NDUFAF2: variants seen among roughly 807,000 people sequenced by gnomAD.
NDUFAF2 encodes NADH dehydrogenase [ubiquinone] 1 alpha subcomplex assembly factor 2.
Under a neutral mutation model 22.8 loss-of-function variants are expected in NDUFAF2, and 13 were observed. The ratio of observed to expected loss-of-function variants is 0.57; its 90% CI spans 0.37 to 0.91. NDUFAF2 has a LOEUF of 0.91. Ranked by LOEUF, NDUFAF2 falls within the 40% of genes least tolerant of loss-of-function variation. The pLI is 0.01. For missense variants in NDUFAF2, 162 were observed against 195.2 expected (o/e 0.83, Z 1.01); for synonymous variants, 53 against 64.2 (o/e 0.83, Z 0.84).
At chr5:61,044,817 T>C (rs570131978) in intron 1 of NDUFAF2, among the ~76,000 whole-genome samples, 60 of 152,108 alleles carry the variant, frequency 3.9e-4, no homozygotes, top group Non-Finnish European at 5.3e-4. Flanking sequence ...GGGTCTTTTG[T>C]GGTTCCATTC....
intron 3 of NDUFAF2, among the ~76,000 whole-genome samples, chr5:61,140,098 C>T (rs893846974): frequency 2.6e-5 from 4 of 152,318 alleles, no homozygotes; most frequent in South Asian, 4.1e-4. Flanking sequence ...CCAAGTGGGC[C>T]GAGTAGGTGG....
chr5:61,004,975 G>C (rs938156066), intron 1 of NDUFAF2, among the ~76,000 whole-genome samples: 2 of 151,390 alleles, frequency 1.3e-5, no homozygotes, highest in African/African-American at 4.8e-5. Flanking sequence ...TCTAGGGTAC[G>C]TGTGCACAAT....
intron 3 of NDUFAF2, among the ~76,000 whole-genome samples, chr5:61,123,941 T>A (rs1302993891): frequency 6.6e-6 from 1 of 152,154 alleles, no homozygotes; most frequent in African/African-American, 2.4e-5. Context: ...AGGGACTCTT[T>A]GTATGTAGAA....
chr5:61,033,577 A>G (rs954243581), intron 1 of NDUFAF2, among the ~76,000 whole-genome samples: 26 of 152,256 alleles, frequency 1.7e-4, no homozygotes, highest in East Asian at 1.9e-4. Flanking sequence ...TACTTAAGAC[A>G]CTAGTTTATG....
At chr5:61,112,434 G>A (rs924434162) in intron 3 of NDUFAF2, among the ~76,000 whole-genome samples, 2 of 151,496 alleles carry the variant, frequency 1.3e-5, no homozygotes, top group South Asian at 2.1e-4. Context: ...GGATGGTCTC[G>A]ATCTTCTGAC....
chr5:60,985,109 T>C (rs1751053794), intron 1 of NDUFAF2, among the ~76,000 whole-genome samples: 1 of 152,248 alleles, frequency 6.6e-6, no homozygotes, highest in Non-Finnish European at 1.5e-5. Flanking sequence ...AGCTTCTTCA[T>C]CGTTTAGTCT....
rs148967735 is a variant in NDUFAF2, at chr5:61,034,068, G to A, written c.128-39057G>A. ...GTTTATTACAGCCAAGGAAGGCAGT[G>A]CTATAGGGATTTGGATGCATATTCT... is the stretch of plus-strand genomic sequence containing the variant. On this transcript the variant is annotated intron_variant, in intron 1 of 3. Coordinates refer to ENST00000296597, the MANE Select transcript of NDUFAF2 (RefSeq NM_174889.5). Among the ~76,000 whole-genome samples, 7 of 152,266 alleles carry A rather than the reference G, an allele frequency of 4.6e-5. 1 individual carries two copies. The East Asian group carries it at 1.3e-3, about 29-fold the overall frequency.
At chr5:61,064,730 G>A (rs1055512553) in intron 1 of NDUFAF2, among the ~76,000 whole-genome samples, 1 of 151,842 alleles carries the variant, frequency 6.6e-6, no homozygotes, top group Non-Finnish European at 1.5e-5. Flanking sequence ...TGCAGCAAAC[G>A]CATTTCTAAG....
chr5:60,970,175 T>C (rs1750809186), intron 1 of NDUFAF2, among the ~76,000 whole-genome samples: 1 of 152,184 alleles, frequency 6.6e-6, no homozygotes, highest in African/African-American at 2.4e-5. Context: ...CCAGTTTTGT[T>C]CATCTTGCTT....
intron 3 of NDUFAF2, among the ~76,000 whole-genome samples, chr5:61,122,446 G>T (rs563894408): frequency 1.4e-4 from 21 of 152,250 alleles, no homozygotes; most frequent in South Asian, 8.3e-4. Context: ...AAGTCAACAA[G>T]AATCCTGATT....
intron 1 of NDUFAF2, among the ~76,000 whole-genome samples, chr5:60,985,808 T>C (rs1219535098): frequency 6.6e-6 from 1 of 152,168 alleles, no homozygotes; most frequent in Non-Finnish European, 1.5e-5. Context: ...CCCGCCCCTA[T>C]AATTCAATCA....
At chr5:60,968,428 A>G (rs1412478541) in intron 1 of NDUFAF2, among the ~76,000 whole-genome samples, 1 of 151,370 alleles carries the variant, frequency 6.6e-6, no homozygotes, top group Non-Finnish European at 1.5e-5. Flanking sequence ...ATAGTGTTAG[A>G]TTGTATATTT....
intron 1 of NDUFAF2, among the ~76,000 whole-genome samples, chr5:60,967,058 C>T (rs538344365): frequency 6.6e-6 from 1 of 151,920 alleles, no homozygotes; most frequent in Non-Finnish European, 1.5e-5. Context: ...GGATTTTTCA[C>T]CTCCTTGGCG....
chr5:60,947,724 C>A (rs1222933245), intron 1 of NDUFAF2, among the ~76,000 whole-genome samples: 2 of 149,728 alleles, frequency 1.3e-5, no homozygotes, highest in African/African-American at 2.5e-5. Context: ...CGAGATCACA[C>A]CACTGCACTC....
rs1054687923 is a variant in NDUFAF2 at position 61,072,391 on chromosome 5, A to G, written c.128-734A>G. Among the ~76,000 whole-genome samples, 8 of 152,204 alleles carry G rather than the reference A, an allele frequency of 5.3e-5. No individual in the cohort carries two copies. The South Asian group carries it at 1.7e-3, about 32-fold the overall frequency. Reference sequence around the variant, plus strand: ...GGGTGGCTGCAGGGTCTTGTGGTCCATTACATACTTAGTAACAGCAATGAA... The same window carrying G: ...GGGTGGCTGCAGGGTCTTGTGGTCCGTTACATACTTAGTAACAGCAATGAA... On this transcript the variant is annotated intron_variant, in intron 1 of 3. Transcript: ENST00000296597.
At chr5:61,039,023 A>G (rs1415870010) in intron 1 of NDUFAF2, among the ~76,000 whole-genome samples, 1 of 151,514 alleles carries the variant, frequency 6.6e-6, no homozygotes, top group Non-Finnish European at 1.5e-5. Context: ...GTAAGTCCCT[A>G]TTTTAATATA....
intron 1 of NDUFAF2, among the ~76,000 whole-genome samples, chr5:60,978,450 T>G (rs921999768): frequency 3.9e-5 from 6 of 152,076 alleles, no homozygotes; most frequent in Admixed American, 6.5e-5. Context: ...CTCAGGAAAC[T>G]TACAACCATG....
At chr5:61,100,454 C>CA (rs1276866983) in intron 3 of NDUFAF2, among the ~76,000 whole-genome samples, 2 of 151,864 alleles carry the variant, frequency 1.3e-5, no homozygotes, top group Non-Finnish European at 2.9e-5. Flanking sequence ...TTTGATTATC[C>CA]AAAATGAGCC....
At chr5:61,060,813 A>T (rs1752155901) in intron 1 of NDUFAF2, among the ~76,000 whole-genome samples, 1 of 152,190 alleles carries the variant, frequency 6.6e-6, no homozygotes, top group Admixed American at 6.5e-5. Flanking sequence ...CTTGTGGGTT[A>T]CAGCTCTATA....
Sources: allele counts gnomAD v4.1 joint callset (sites outside exome capture counted in the v4.1 genomes callset), GRCh38; gene constraint gnomAD v4.1.1; transcripts MANE v1.5; gene names NCBI Gene and HGNC (gene_info 2026-07-23, HGNC 2026-07-21).